JAM2: variants seen among roughly 807,000 people sequenced by gnomAD.
JAM2 encodes junctional adhesion molecule 2.
JAM2 carries 17 observed loss-of-function variants against 42.0 expected under a neutral mutation model. The observed-to-expected ratio is 0.40, with a 90% CI of 0.28 to 0.61. The LOEUF is 0.61. JAM2 is among the 20% of genes least tolerant of loss of function. The pLI is 0.37. For missense variants in JAM2, 319 were observed against 358.3 expected (o/e 0.89, Z 0.89); for synonymous variants, 118 against 128.6 (o/e 0.92, Z 0.56).
chr21:25,690,516 A>AT (rs1235799868), intron 3 of JAM2, among the ~76,000 whole-genome samples: 2 of 151,702 alleles, frequency 1.3e-5, no homozygotes, highest in African/African-American at 2.4e-5. Flanking sequence ...TTATTTATTT[A>AT]TTTTTTTGTA....
At chr21:25,655,348 C>CCATT (rs2032901226) in intron 1 of JAM2, among the ~76,000 whole-genome samples, 1 of 78,940 alleles carries the variant, frequency 1.3e-5, no homozygotes, top group African/African-American at 7.1e-5. Flanking sequence ...TACTGAAATT[C>CCATT]TATTTTTTTT....
Position 25,639,573 on chromosome 21 carries a change from T to A in JAM2, c.-249T>A. 1.3e-5 allele frequency: 5 copies of A among 390,408 alleles called. No homozygotes were observed. Among genetic ancestry groups the A allele is most frequent in the Non-Finnish European group, 2.3e-5 (5 of 218,990 alleles). The allele number at this position is 390,408 out of a possible 1,614,324, so 24.2% of individuals were successfully genotyped here. On this transcript the variant is annotated 5_prime_UTR_variant, in exon 1 of 10. Coordinates refer to ENST00000480456, the MANE Select transcript of JAM2 (RefSeq NM_021219.4). ...TCTGGTTTTCACGCCCTCTAGCCCC[T>A]ACCCCCACACCCCCAAAACAGAACA...
chr21:25,696,064 C>G (rs1209233121), intron 4 of JAM2, among the ~76,000 whole-genome samples: 1 of 152,126 alleles, frequency 6.6e-6, no homozygotes, highest in Non-Finnish European at 1.5e-5. Flanking sequence ...TGTAGCGAGC[C>G]GAGATCACGC....
chr21:25,705,719 T>A (rs1442011576), intron 6 of JAM2, among the ~76,000 whole-genome samples: 1 of 152,252 alleles, frequency 6.6e-6, no homozygotes, highest in Admixed American at 6.5e-5. Context: ...TCCAAATGAA[T>A]GCAAAAGAAT....
chr21:25,657,717 G>A (rs954677467), intron 1 of JAM2, among the ~76,000 whole-genome samples: 51 of 152,244 alleles, frequency 3.3e-4, no homozygotes, highest in African/African-American at 1.1e-3. Context: ...TTAAATGAAA[G>A]GGTTTGATTT....
At chr21:25,700,672 T>C (rs1047391788) in intron 5 of JAM2, among the ~76,000 whole-genome samples, 2 of 152,186 alleles carry the variant, frequency 1.3e-5, no homozygotes. Flanking sequence ...TTTTAATGAA[T>C]TTTGAAAGGA....
intron 5 of JAM2, among the ~76,000 whole-genome samples, chr21:25,699,444 C>T (rs1198884821): frequency 3.3e-5 from 5 of 152,044 alleles, no homozygotes; most frequent in Non-Finnish European, 5.9e-5. Context: ...ATTGCGCGGC[C>T]GGGCGCAGTG....
intron 4 of JAM2, among the ~76,000 whole-genome samples, chr21:25,695,497 T>A (rs1024186634): frequency 2.7e-4 from 41 of 152,074 alleles, no homozygotes; most frequent in Non-Finnish European, 5.1e-4. Flanking sequence ...TGGGTACACC[T>A]CCCAGACGGG....
At chr21:25,652,222 CA>C (rs903228463) in intron 1 of JAM2, among the ~76,000 whole-genome samples, 1 of 151,808 alleles carries the variant, frequency 6.6e-6, no homozygotes, top group African/African-American at 2.4e-5. Context: ...CACGCCTCTA[CA>C]AAAAAGAAAA....
chr21:25,642,217 G>A (rs1403413524), intron 1 of JAM2, among the ~76,000 whole-genome samples: 1 of 151,720 alleles, frequency 6.6e-6, no homozygotes, highest in Non-Finnish European at 1.5e-5. Flanking sequence ...ACTTCTTCAG[G>A]AAGGAGAGTT....
chr21:25,683,972 C>T (rs1488606483), intron 2 of JAM2, 24 bp downstream of exon 2: 3 of 1,471,706 alleles, frequency 2.0e-6, no homozygotes, highest in South Asian at 2.4e-5. Flanking sequence ...CTGATTTTCA[C>T]AGGCTGTATT....
intron 4 of JAM2, among the ~76,000 whole-genome samples, chr21:25,696,181 C>A (rs534832252): frequency 6.6e-6 from 1 of 152,298 alleles, no homozygotes; most frequent in Admixed American, 6.5e-5. Context: ...CGGTTAGGAG[C>A]TGGAGACCAG....
chr21:25,698,845 G>C lies in JAM2; in HGVS notation c.563G>C (p.Ser188Thr). The C allele has an allele frequency of 6.2e-7, 1 of 1,614,132 alleles. No individual in the cohort carries two copies. Among genetic ancestry groups the C allele is most frequent in the Non-Finnish European group, 8.5e-7 (1 of 1,180,018 alleles). The stretch of plus-strand genomic sequence containing the variant: ...AGACTTGGCTCCCAAAGCACCAACA[G>C]CTCATACACAATGAATACAAAAACT... ...NPRLGSQSTNSSYTMNTKTGT... is the reference protein window; with the variant it reads ...NPRLGSQSTNTSYTMNTKTGT... Residue 188 changes from serine (S) to threonine (T), a missense_variant, in exon 5 of 10, where the codon AGC becomes ACC. Ser to Thr is a moderately conservative substitution (Grantham distance 58, BLOSUM62 1). Transcript: ENST00000480456.
At chr21:25,664,283 G>A (rs925525090) in intron 1 of JAM2, among the ~76,000 whole-genome samples, 11 of 151,824 alleles carry the variant, frequency 7.2e-5, no homozygotes, top group East Asian at 3.9e-4. Context: ...TTTCCCAGGC[G>A]GGAGTGCAGT....
chr21:25,704,761 C>T (rs1004266204), intron 6 of JAM2, among the ~76,000 whole-genome samples: 1 of 152,128 alleles, frequency 6.6e-6, no homozygotes, highest in Non-Finnish European at 1.5e-5. Context: ...CAGTTGAATC[C>T]CATGCTCAGA....
At chr21:25,684,123 A>T (rs2033698824) in intron 2 of JAM2, among the ~76,000 whole-genome samples, 175 bp downstream of exon 2, 1 of 152,198 alleles carries the variant, frequency 6.6e-6, no homozygotes, top group Non-Finnish European at 1.5e-5. Flanking sequence ...CCACCTCCTC[A>T]GTGGAAATTT....
chr21:25,649,818 C>T (rs1009676417), intron 1 of JAM2, among the ~76,000 whole-genome samples: 2 of 152,206 alleles, frequency 1.3e-5, no homozygotes, highest in Non-Finnish European at 2.9e-5. Flanking sequence ...TTACTTGGCT[C>T]CCAGTTCTGG....
intron 2 of JAM2, among the ~76,000 whole-genome samples, chr21:25,684,579 T>C (rs2033708250): frequency 6.6e-6 from 1 of 152,098 alleles, no homozygotes; most frequent in Non-Finnish European, 1.5e-5. Flanking sequence ...TTAATAAGCT[T>C]TCATTGTTGT....
At chr21:25,678,764 A>G (rs1271720817) in intron 1 of JAM2, among the ~76,000 whole-genome samples, 3 of 152,228 alleles carry the variant, frequency 2.0e-5, no homozygotes, top group Non-Finnish European at 4.4e-5. Context: ...TTTTCCTGTT[A>G]TACTAGAAAT....
Sources: gnomAD v4.1 joint callset for allele counts (sites outside exome capture counted in the v4.1 genomes callset) on GRCh38, gnomAD v4.1.1 for gene constraint, MANE v1.5 for transcripts, NCBI Gene and HGNC (gene_info 2026-07-23, HGNC 2026-07-21) for gene names.